MSRB3: variants seen among roughly 807,000 people sequenced by gnomAD.
MSRB3 encodes methionine sulfoxide reductase B3.
Under a neutral mutation model 21.0 loss-of-function variants are expected in MSRB3, and 13 were observed. That is an observed-to-expected ratio of 0.62 (90% CI 0.40 to 0.98). The LOEUF is 0.98. Among genes scored for constraint, MSRB3 ranks in the 50% least tolerant of loss-of-function variants. MSRB3 has a pLI of 0.00. For missense variants in MSRB3, 199 were observed against 230.3 expected, an observed-to-expected ratio of 0.86 and a Z score of 0.88; for synonymous variants, 87 against 88.6, an observed-to-expected ratio of 0.98 and a Z score of 0.10.
intron 5 of MSRB3, among the ~76,000 whole-genome samples, chr12:65,428,309 A>T (rs759001922): frequency 6.6e-6 from 1 of 151,424 alleles, no homozygotes; most frequent in Non-Finnish European, 1.5e-5. Flanking sequence ...TTCTGTGTGT[A>T]TATTTTTTTT....
At chr12:65,430,180 A>G (rs1881809383) in intron 5 of MSRB3, among the ~76,000 whole-genome samples, 2 of 152,176 alleles carry the variant, frequency 1.3e-5, no homozygotes, top group South Asian at 4.1e-4. Context: ...TTCTTCTTCC[A>G]GCTGCTGCTG....
chr12:65,394,048 G>A (rs1014948855), intron 5 of MSRB3, among the ~76,000 whole-genome samples: 2 of 151,936 alleles, frequency 1.3e-5, no homozygotes, highest in Admixed American at 1.3e-4. Flanking sequence ...TATGTAGACT[G>A]GTGGAAAGAT....
At chr12:65,456,910 TG>T (rs1252888659) in intron 6 of MSRB3, among the ~76,000 whole-genome samples, 1 of 152,204 alleles carries the variant, frequency 6.6e-6, no homozygotes. Context: ...TCAAGTGGAC[TG>T]GGTATCTTTC....
At chr12:65,384,875 A>G (rs188814506) in intron 5 of MSRB3, among the ~76,000 whole-genome samples, 65 of 152,264 alleles carry the variant, frequency 4.3e-4, no homozygotes, top group Non-Finnish European at 4.3e-4. Flanking sequence ...ATCATTTGGA[A>G]ACAGGCCATT....
chr12:65,351,067 G>T, intron 4 of MSRB3, among the ~76,000 whole-genome samples: 1 of 152,032 alleles, frequency 6.6e-6, no homozygotes, highest in African/African-American at 2.4e-5. Context: ...TGGAAGTAAA[G>T]CTCTCCTCAG....
chr12:65,381,986 G>A (rs1480210041), intron 5 of MSRB3, among the ~76,000 whole-genome samples: 1 of 152,032 alleles, frequency 6.6e-6, no homozygotes, highest in Non-Finnish European at 1.5e-5. Flanking sequence ...ACAATAGCAT[G>A]TAATAATGTT....
chr12:65,426,027 T>A (rs1881582462), intron 5 of MSRB3, among the ~76,000 whole-genome samples: 1 of 152,088 alleles, frequency 6.6e-6, no homozygotes, highest in South Asian at 2.1e-4. Context: ...TGGCTAATTT[T>A]TTCTATTTTT....
At chr12:65,332,494 G>T (rs1875493528) in intron 4 of MSRB3, among the ~76,000 whole-genome samples, 1 of 152,104 alleles carries the variant, frequency 6.6e-6, no homozygotes, top group Non-Finnish European at 1.5e-5. Context: ...TGTGGGGTGG[G>T]GTGAGTGGGG....
At position 65,466,310 on chromosome 12, in the gene MSRB3, G is replaced by A. The variant is rs894718081; in HGVS notation, c.*2988G>A. 1.6e-4 allele frequency: 25 copies of A among 152,118 alleles called. No individual in the cohort carries two copies. Among genetic ancestry groups the A allele is most frequent in the African/African-American group, 5.8e-4 (24 of 41,416 alleles). The allele number at this position is 152,118 out of a possible 1,614,324, so 9.4% of individuals were successfully genotyped here. A position where few individuals can be genotyped will look rare whatever the true frequency, so the allele number is the denominator to read the frequency against. On this transcript the variant is annotated 3_prime_UTR_variant, in exon 7 of 7. Transcript: ENST00000308259. ...ATTTCAGTATATTTCTGTCTTATGT[G>A]AAAGAAATATATTACTAAAACGTCA...
intron 4 of MSRB3, 62 bp from the exon 5 acceptor site, chr12:65,368,936 A>G (rs1226282346): frequency 1.2e-5 from 2 of 172,526 alleles, no homozygotes; most frequent in Admixed American, 8.4e-5. Flanking sequence ...CCCCCCCCCC[A>G]TGAAATAATT....
At chr12:65,282,455 G>A (rs12302652) in intron 1 of MSRB3, among the ~76,000 whole-genome samples, 3,556 of 152,178 alleles carry the variant, frequency 0.023, 134 homozygotes, top group African/African-American at 0.082. Flanking sequence ...CAAACGCATC[G>A]AACAATTGAC....
At chr12:65,406,527 A>G (rs572688686) in intron 5 of MSRB3, among the ~76,000 whole-genome samples, 1 of 152,368 alleles carries the variant, frequency 6.6e-6, no homozygotes, top group African/African-American at 2.4e-5. Flanking sequence ...AACTATCTAC[A>G]GAGTCAATGC....
At chr12:65,457,751 A>AG (rs1291184544) in intron 6 of MSRB3, among the ~76,000 whole-genome samples, 1 of 147,774 alleles carries the variant, frequency 6.8e-6, no homozygotes, top group Non-Finnish European at 1.5e-5. Flanking sequence ...CAAATTTACA[A>AG]GAAAAAAAAA....
At chr12:65,349,232 A>T (rs1175270192) in intron 4 of MSRB3, among the ~76,000 whole-genome samples, 2 of 152,134 alleles carry the variant, frequency 1.3e-5, no homozygotes, top group Non-Finnish European at 2.9e-5. Flanking sequence ...TACAAAGGAC[A>T]TGAACTCATC....
intron 5 of MSRB3, among the ~76,000 whole-genome samples, chr12:65,370,903 G>GTT (rs1302763928): frequency 1.3e-5 from 2 of 152,086 alleles, no homozygotes; most frequent in African/African-American, 4.8e-5. Flanking sequence ...GAATTCAGAT[G>GTT]TTTTCAAATT....
chr12:65,363,925 G>T (rs1877853697), intron 4 of MSRB3, among the ~76,000 whole-genome samples: 1 of 152,158 alleles, frequency 6.6e-6, no homozygotes, highest in Non-Finnish European at 1.5e-5. Flanking sequence ...GGTGGAGGTT[G>T]CATTGAGCTC....
At chr12:65,321,489 A>G (rs1188651810) in intron 2 of MSRB3, among the ~76,000 whole-genome samples, 1 of 152,164 alleles carries the variant, frequency 6.6e-6, no homozygotes, top group Non-Finnish European at 1.5e-5. Flanking sequence ...GTGTCCTGAC[A>G]TCTTAGACTG....
intron 5 of MSRB3, among the ~76,000 whole-genome samples, chr12:65,427,575 G>A (rs779822449): frequency 1.3e-4 from 20 of 152,196 alleles, no homozygotes; most frequent in Non-Finnish European, 2.6e-4. Context: ...AGTGTCTGAT[G>A]AGTGGTGCCC....
At chr12:65,420,031 GGGGAAGAGAGC>G (rs760292482) in intron 5 of MSRB3, 169 of 549,532 alleles carry the variant, frequency 3.1e-4, no homozygotes, top group Non-Finnish European at 5.4e-4. Context: ...CATGCTGTCT[GGGGAAGAGAGC>G]GGGAAGAGAG....
Sources: allele counts gnomAD v4.1 joint callset (sites outside exome capture counted in the v4.1 genomes callset), GRCh38; gene constraint gnomAD v4.1.1; transcripts MANE v1.5; gene names NCBI Gene and HGNC (gene_info 2026-07-23, HGNC 2026-07-21).